ADAMTS17: variants seen among roughly 807,000 people sequenced by gnomAD.
ADAMTS17 encodes A disintegrin and metalloproteinase with thrombospondin motifs 17.
A neutral mutation model predicts 141.5 loss-of-function variants in ADAMTS17; 113 were observed. That is an observed-to-expected ratio of 0.80 (90% CI 0.69 to 0.93). The LOEUF (loss-of-function observed/expected upper bound fraction) is 0.93, where lower values mean the gene tolerates loss of function less well. ADAMTS17 is among the 40% of genes least tolerant of loss of function. ADAMTS17 has a pLI of 0.00. For synonymous variants in ADAMTS17, 768 were observed against 630.6 expected (o/e 1.22, Z -3.27); for missense variants, 1,659 against 1,517.9 (o/e 1.09, Z -1.54).
At chr15:99,975,179 C>T (rs1051135296) in intron 21 of ADAMTS17, among the ~76,000 whole-genome samples, 6 of 152,186 alleles carry the variant, frequency 3.9e-5, no homozygotes, top group Non-Finnish European at 7.3e-5. Flanking sequence ...TTGTATTTAG[C>T]AAAGCAGAAA....
rs550458042 is a variant in ADAMTS17 at position 100,254,272 on chromosome 15, C to G, written c.1032-93G>C. 420 of 1,177,834 alleles carry G rather than the reference C, an allele frequency of 3.6e-4. 2 individuals carry two copies. The highest frequency in any genetic ancestry group is 2.0e-3 in the South Asian group (156 of 79,568). 73.0% of individuals were successfully genotyped at this position (1,177,834 alleles called of 1,614,324 possible). On this transcript the variant is annotated intron_variant, in intron 6 of 21. Transcript: ENST00000268070. ...GAATTAACCTCAAGTAGTCATCCTGCAATGTTATTTTTCCAGTGGACACAG... is the reference window on the plus strand; with the variant it reads ...GAATTAACCTCAAGTAGTCATCCTGGAATGTTATTTTTCCAGTGGACACAG...
At chr15:100,203,713 CAAAACAAAACA>C (rs1193979489) in intron 7 of ADAMTS17, among the ~76,000 whole-genome samples, 2 of 151,940 alleles carry the variant, frequency 1.3e-5, no homozygotes, top group African/African-American at 2.4e-5. Context: ...TCAAACAAAA[CAAAACAAAACA>C]AAAACAAAAC....
intron 4 of ADAMTS17, among the ~76,000 whole-genome samples, chr15:100,267,967 T>C (rs370599600): frequency 1.3e-5 from 2 of 152,212 alleles, no homozygotes; most frequent in Admixed American, 6.5e-5. Flanking sequence ...ACTTATCCAT[T>C]TTTGTAACTA....
Position 100,291,329 on chromosome 15 carries a change from T to A in ADAMTS17, c.617-9928A>T, listed in dbSNP as rs538545732. Reference sequence around the variant, plus strand: ...CTCATACCAGTTAGAATGGCTATTGTTAAAAAGTAAAAAACTAGCAGATGC... The same window carrying A: ...CTCATACCAGTTAGAATGGCTATTGATAAAAAGTAAAAAACTAGCAGATGC... On this transcript the variant is annotated intron_variant, in intron 3 of 21. Transcript: ENST00000268070. 3.9e-5 allele frequency among the ~76,000 whole-genome samples: 6 copies of A among 152,296 alleles called. No homozygotes were observed. The South Asian group carries it at 1.0e-3, about 26-fold the overall frequency.
intron 3 of ADAMTS17, among the ~76,000 whole-genome samples, chr15:100,282,249 C>T (rs554413619): frequency 6.6e-6 from 1 of 152,284 alleles, no homozygotes; most frequent in East Asian, 1.9e-4. Context: ...TCCATGTTAG[C>T]ACTAGCCTAT....
At chr15:100,323,146 GAAAA>G (rs972065294) in intron 3 of ADAMTS17, among the ~76,000 whole-genome samples, 1 of 147,146 alleles carries the variant, frequency 6.8e-6, no homozygotes, top group Admixed American at 6.7e-5. Flanking sequence ...AAAATTATAT[GAAAA>G]AATAAAAATT....
At chr15:100,123,812 C>A (rs905079443) in intron 12 of ADAMTS17, among the ~76,000 whole-genome samples, 1 of 152,204 alleles carries the variant, frequency 6.6e-6, no homozygotes, top group African/African-American at 2.4e-5. Context: ...CCAGCAGGAA[C>A]AGGCGCCCTG....
chr15:100,105,198 C>G (rs2036340071), intron 14 of ADAMTS17, among the ~76,000 whole-genome samples: 2 of 152,300 alleles, frequency 1.3e-5, no homozygotes, highest in South Asian at 2.1e-4. Flanking sequence ...AGCGGGTTAC[C>G]AGGGTGCAGC....
chr15:100,155,553 C>T (rs1195016873), intron 8 of ADAMTS17, among the ~76,000 whole-genome samples: 3 of 152,198 alleles, frequency 2.0e-5, no homozygotes, highest in African/African-American at 7.2e-5. Flanking sequence ...TAATAGCATT[C>T]ACTAAATAAC....
chr15:100,312,506 A>C (rs1032086362), intron 3 of ADAMTS17, among the ~76,000 whole-genome samples: 1 of 152,222 alleles, frequency 6.6e-6, no homozygotes, highest in African/African-American at 2.4e-5. Flanking sequence ...TATTTGTGTT[A>C]TTTTACAACA....
At chr15:99,984,208 A>C (rs1187903763) in intron 20 of ADAMTS17, among the ~76,000 whole-genome samples, 2 of 152,106 alleles carry the variant, frequency 1.3e-5, no homozygotes, top group African/African-American at 4.8e-5. Flanking sequence ...GTGACCCCCG[A>C]TGGCCTGCAG....
chr15:100,045,768 A>G (rs553968322), intron 18 of ADAMTS17, among the ~76,000 whole-genome samples: 22 of 152,296 alleles, frequency 1.4e-4, no homozygotes, highest in African/African-American at 5.3e-4. Flanking sequence ...GTCTCAATGC[A>G]ACTAGGGCCT....
intron 18 of ADAMTS17, among the ~76,000 whole-genome samples, chr15:100,017,778 T>A (rs2061320520): frequency 6.6e-6 from 1 of 152,226 alleles, no homozygotes; most frequent in Non-Finnish European, 1.5e-5. Context: ...CTCTTGGGGT[T>A]GCTGGCTTGT....
intron 7 of ADAMTS17, among the ~76,000 whole-genome samples, chr15:100,214,392 TTAA>T (rs1324798571): frequency 6.6e-6 from 1 of 152,226 alleles, no homozygotes; most frequent in East Asian, 1.9e-4. Flanking sequence ...TATTATAACA[TTAA>T]TATTATTGGG....
intron 7 of ADAMTS17, among the ~76,000 whole-genome samples, chr15:100,215,548 A>G (rs1197280315): frequency 1.3e-5 from 2 of 152,092 alleles, no homozygotes; most frequent in African/African-American, 4.8e-5. Flanking sequence ...AGCCCCTAAG[A>G]TACCTGCCCT....
In ADAMTS17 at chr15:100,314,413, T is replaced by C. The variant is rs566867837; in HGVS notation, c.616+16476A>G. 2.0e-5 allele frequency among the ~76,000 whole-genome samples: 3 copies of C among 152,312 alleles called. No individual in the cohort carries two copies. The East Asian group carries it at 5.8e-4, about 29-fold the overall frequency. The stretch of plus-strand genomic sequence containing the variant: ...TGTATGTATAGATAAAGGGACATGA[T>C]GTCAGCAAATTAGTCTCAAGTGGTT... On this transcript the variant is annotated intron_variant, in intron 3 of 21. Transcript: ENST00000268070.
chr15:100,265,663 CA>C (rs1216612548), intron 4 of ADAMTS17, among the ~76,000 whole-genome samples: 2 of 152,198 alleles, frequency 1.3e-5, no homozygotes, highest in Admixed American at 1.3e-4. Flanking sequence ...CTGGGCTTCA[CA>C]AGGGCACCAC....
At chr15:100,278,727 T>C (rs2044185540) in intron 4 of ADAMTS17, among the ~76,000 whole-genome samples, 1 of 152,190 alleles carries the variant, frequency 6.6e-6, no homozygotes, top group Non-Finnish European at 1.5e-5. Flanking sequence ...ACCAGAGATT[T>C]GTCCTCCTAA....
intron 8 of ADAMTS17, among the ~76,000 whole-genome samples, chr15:100,156,101 A>G (rs1732877859): frequency 6.6e-6 from 1 of 152,228 alleles, no homozygotes; most frequent in South Asian, 2.1e-4. Context: ...CATTCATTCA[A>G]AAATATTAGA....
Sources: allele counts gnomAD v4.1 joint callset (sites outside exome capture counted in the v4.1 genomes callset), GRCh38; gene constraint gnomAD v4.1.1; transcripts MANE v1.5; gene names NCBI Gene and HGNC (gene_info 2026-07-23, HGNC 2026-07-21).